The following ANO4 variants were observed in gnomAD, a reference collection of about 807,000 sequenced individuals.
The protein encoded by ANO4 is anoctamin 4.
Under a neutral mutation model 141.9 loss-of-function variants are expected in ANO4, and 69 were observed. The observed-to-expected ratio is 0.49, with a 90% CI of 0.40 to 0.59. The LOEUF is 0.59. Ranked by LOEUF, ANO4 falls within the 20% of genes least tolerant of loss-of-function variation. ANO4 has a pLI of 0.00. For missense variants in ANO4, 894 were observed against 1,162.2 expected (o/e 0.77, Z 3.36); for synonymous variants, 350 against 394.3 (o/e 0.89, Z 1.33).
At chr12:100,953,847 G>A (rs1371109460) in intron 5 of ANO4, among the ~76,000 whole-genome samples, 1 of 151,934 alleles carries the variant, frequency 6.6e-6, no homozygotes, top group East Asian at 1.9e-4. Context: ...GGCTGGCATG[G>A]GTGTAGGAAG....
At position 100,939,674 on chromosome 12, in the gene ANO4, A is replaced by G. The variant is rs558051831; in HGVS notation, c.297+223A>G. Among the ~76,000 whole-genome samples, 5 of 152,312 alleles carry G rather than the reference A, an allele frequency of 3.3e-5. No individual in the cohort carries two copies. The East Asian group carries it at 9.6e-4, about 29-fold the overall frequency. On this transcript the variant is annotated intron_variant, in intron 4 of 27. Transcript: ENST00000392977. ...CAAAGTTTCAGTTTTTCTTAAACCT[A>G]TCATTTTTTTAAACTGTCCGTCATT...
At chr12:100,804,653 G>GT (rs2034894667) in intron 1 of ANO4, among the ~76,000 whole-genome samples, 1 of 152,170 alleles carries the variant, frequency 6.6e-6, no homozygotes, top group African/African-American at 2.4e-5. Context: ...TCTGACTGGC[G>GT]TGAGATGGTA....
At chr12:100,812,563 A>G (rs1410649894) in intron 1 of ANO4, among the ~76,000 whole-genome samples, 1 of 152,116 alleles carries the variant, frequency 6.6e-6, no homozygotes, top group African/African-American at 2.4e-5. Flanking sequence ...AGAGGTGGGA[A>G]CAAAATGAAA....
intron 15 of ANO4, among the ~76,000 whole-genome samples, chr12:101,082,425 A>G (rs1321270295): frequency 1.3e-5 from 2 of 152,174 alleles, no homozygotes; most frequent in Admixed American, 1.3e-4. Context: ...CCAGGAACAC[A>G]GACCTGTCTC....
chr12:100,844,134 A>G (rs2037434972), intron 1 of ANO4, among the ~76,000 whole-genome samples: 1 of 152,126 alleles, frequency 6.6e-6, no homozygotes, highest in Non-Finnish European at 1.5e-5. Context: ...GGAGGGGATT[A>G]GATTTAAGCA....
chr12:100,951,823 A>G (rs1268265580), intron 5 of ANO4, among the ~76,000 whole-genome samples: 11 of 152,226 alleles, frequency 7.2e-5, no homozygotes, highest in Admixed American at 7.2e-4. Context: ...GTTTTTCAAC[A>G]TAGACCCTAT....
intron 17 of ANO4, 134 bp downstream of exon 17, chr12:101,086,958 G>T: frequency 5.8e-6 from 6 of 1,042,356 alleles, no homozygotes; most frequent in Non-Finnish European, 8.2e-6. Context: ...TGGCAGCGAA[G>T]TGCCTGGCAT....
At chr12:100,969,748 A>T (rs1412089637) in intron 5 of ANO4, among the ~76,000 whole-genome samples, 1 of 152,210 alleles carries the variant, frequency 6.6e-6, no homozygotes, top group Non-Finnish European at 1.5e-5. Flanking sequence ...TCTAGCCACA[A>T]AGCACAAAGT....
At chr12:100,801,631 T>G (rs139149345) in intron 1 of ANO4, among the ~76,000 whole-genome samples, 1 of 151,844 alleles carries the variant, frequency 6.6e-6, no homozygotes, top group South Asian at 2.1e-4. Flanking sequence ...AGCTGTATAC[T>G]TGCAGATAAG....
rs868828842 is a variant in ANO4 at position 100,960,117 on chromosome 12, G to A, written c.457-11189G>A. Among the ~76,000 whole-genome samples, 6 of 152,164 alleles carry A rather than the reference G, an allele frequency of 3.9e-5. No individual in the cohort carries two copies. In the South Asian group the frequency reaches 1.2e-3, roughly 32 times the overall value. ...GGCTAGAGCTCATGATATGGCTCCT[G>A]CCTACCCAAGTGGGCTAAGGAGCTC... On this transcript the variant is annotated intron_variant, in intron 5 of 27. Coordinates refer to ENST00000392977, the MANE Select transcript of ANO4 (RefSeq NM_001286615.2).
At chr12:100,733,257 C>G (rs946003644) in intron 1 of ANO4, among the ~76,000 whole-genome samples, 1 of 152,156 alleles carries the variant, frequency 6.6e-6, no homozygotes, top group Non-Finnish European at 1.5e-5. Flanking sequence ...CAGCTGCTAA[C>G]CCACGAAGCT....
chr12:101,034,707 A>C (rs943129602), intron 9 of ANO4, among the ~76,000 whole-genome samples: 1 of 152,236 alleles, frequency 6.6e-6, no homozygotes, highest in Non-Finnish European at 1.5e-5. Context: ...TCTAGAATAC[A>C]TAAAGAACAC....
In ANO4 at chr12:100,844,808, AT is replaced by A. The variant is rs554626469; in HGVS notation, c.-141+49783del. ...GAGGGATAGTCAAAGCAAGAGGGAA[AT>A]TGGGGAACATTAGCATGTTCATAAT... On this transcript the variant is annotated intron_variant, in intron 1 of 27. Transcript: ENST00000392977. Among the ~76,000 whole-genome samples the A allele has an allele frequency of 5.9e-5, 9 of 152,184 alleles. No individual in the cohort carries two copies. In the South Asian group the frequency reaches 1.9e-3, roughly 32 times the overall value.
chr12:100,901,809 C>T lies in ANO4; in HGVS notation c.24C>T (p.Ile8=). The T allele has an allele frequency of 6.2e-7, 1 of 1,611,852 alleles. No homozygotes were observed. Among genetic ancestry groups the T allele is most frequent in the Non-Finnish European group, 8.5e-7 (1 of 1,179,362 alleles). Reference sequence around the variant, plus strand: ...AAATGGAGGCAAGCTCTTCTGGAATCACTAATGGAAAAACCAAAGTCTTCC... The same window carrying T: ...AAATGGAGGCAAGCTCTTCTGGAATTACTAATGGAAAAACCAAAGTCTTCC... The part of the protein sequence containing the change: MEASSSG[I]TNGKTKVFHP... Residue 8 remains isoleucine (I), a synonymous_variant, in exon 2 of 28, where the codon ATC becomes ATT. Coordinates refer to ENST00000392977, the MANE Select transcript of ANO4 (RefSeq NM_001286615.2).
At chr12:100,804,128 T>C (rs999853504) in intron 1 of ANO4, among the ~76,000 whole-genome samples, 3 of 152,152 alleles carry the variant, frequency 2.0e-5, no homozygotes, top group Non-Finnish European at 4.4e-5. Flanking sequence ...CAGGCCCCAG[T>C]GTGTGTTGTT....
At chr12:100,739,754 AT>A (rs2031781286) in intron 2 of ANO4, 2 of 656,156 alleles carry the variant, frequency 3.0e-6, no homozygotes, top group Non-Finnish European at 5.6e-6. Context: ...CTCAAATGGT[AT>A]TTGGTTTGAC....
chr12:100,765,680 T>C (rs1257714234), intron 3 of ANO4, among the ~76,000 whole-genome samples: 5 of 148,958 alleles, frequency 3.4e-5, no homozygotes, highest in Non-Finnish European at 7.4e-5. Context: ...CTGGCCTTTG[T>C]TTATGTTTTC....
intron 3 of ANO4, among the ~76,000 whole-genome samples, chr12:100,767,104 G>A (rs1205988043): frequency 6.6e-6 from 1 of 152,102 alleles, no homozygotes; most frequent in Non-Finnish European, 1.5e-5. Context: ...GCTAAAGTGA[G>A]TCTCTTGTAG....
At chr12:100,922,851 C>T (rs143266965) in intron 3 of ANO4, among the ~76,000 whole-genome samples, 21 of 152,154 alleles carry the variant, frequency 1.4e-4, no homozygotes, top group South Asian at 1.2e-3. Flanking sequence ...TGCTCTTCTT[C>T]GAGTATTTTA....
Sources: gnomAD v4.1 joint callset for allele counts (sites outside exome capture counted in the v4.1 genomes callset) on GRCh38, gnomAD v4.1.1 for gene constraint, MANE v1.5 for transcripts, NCBI Gene and HGNC (gene_info 2026-07-23, HGNC 2026-07-21) for gene names.